CHCHD3: variants seen among roughly 807,000 people sequenced by gnomAD.
The protein encoded by CHCHD3 is coiled-coil-helix-coiled-coil-helix domain containing 3.
CHCHD3 carries 20 observed loss-of-function variants against 38.2 expected under a neutral mutation model. The ratio of observed to expected loss-of-function variants is 0.52; its 90% CI spans 0.37 to 0.76. CHCHD3 has a LOEUF of 0.76. Among genes scored for constraint, CHCHD3 ranks in the 30% least tolerant of loss-of-function variants. The probability of loss-of-function intolerance (pLI) is 0.00; values close to 1 mark genes in which losing one functional copy is unlikely to be tolerated. For synonymous variants in CHCHD3, 82 were observed against 100.0 expected (o/e 0.82, Z 1.07); for missense variants, 245 against 279.2 (o/e 0.88, Z 0.87).
intron 5 of CHCHD3, among the ~76,000 whole-genome samples, chr7:132,844,087 G>T (rs1808010317): frequency 6.6e-6 from 1 of 152,182 alleles, no homozygotes. Context: ...ATCACTTGAG[G>T]CCAGGAATTC....
At chr7:132,895,982 G>T (rs140149717) in intron 4 of CHCHD3, among the ~76,000 whole-genome samples, 1 of 152,106 alleles carries the variant, frequency 6.6e-6, no homozygotes, top group African/African-American at 2.4e-5. Context: ...TTTACAAAAC[G>T]GGTCATATGA....
At chr7:132,996,610 T>C (rs1032332083) in intron 3 of CHCHD3, among the ~76,000 whole-genome samples, 3 of 152,318 alleles carry the variant, frequency 2.0e-5, no homozygotes, top group African/African-American at 7.2e-5. Flanking sequence ...AATGTCGGCG[T>C]TGCTTTGTAA....
intron 4 of CHCHD3, among the ~76,000 whole-genome samples, chr7:132,955,173 G>GGGGGGGGTGT (rs138213006): frequency 1.6e-5 from 2 of 126,226 alleles, no homozygotes; most frequent in African/African-American, 6.0e-5. Flanking sequence ...TCCCTCAGAG[G>GGGGGGGGTGT]GTGTGTGTGT....
chr7:133,068,136 C>T (rs553168476), intron 2 of CHCHD3, among the ~76,000 whole-genome samples: 14 of 151,972 alleles, frequency 9.2e-5, no homozygotes, highest in South Asian at 2.1e-4. Flanking sequence ...AAAATAAAAA[C>T]GTGGCTTATT....
At chr7:132,873,236 T>C (rs1585592410) in intron 5 of CHCHD3, among the ~76,000 whole-genome samples, 1 of 152,048 alleles carries the variant, frequency 6.6e-6, no homozygotes, top group Non-Finnish European at 1.5e-5. Context: ...GAGGCCTGGG[T>C]GCACCAGCTA....
intron 3 of CHCHD3, among the ~76,000 whole-genome samples, chr7:132,986,292 G>T (rs1812118650): frequency 6.7e-6 from 1 of 148,424 alleles, no homozygotes; most frequent in African/African-American, 2.5e-5. Flanking sequence ...CCTCTGCCTA[G>T]GAAAACCAGA....
intron 4 of CHCHD3, among the ~76,000 whole-genome samples, chr7:132,905,539 C>T (rs570554293): frequency 6.6e-6 from 1 of 151,772 alleles, no homozygotes; most frequent in East Asian, 1.9e-4. Flanking sequence ...CACATGTTTA[C>T]CTACGTAACA....
At chr7:132,882,240 G>A (rs138867665) in intron 5 of CHCHD3, among the ~76,000 whole-genome samples, 2,153 of 152,148 alleles carry the variant, frequency 0.014, 20 homozygotes, top group Non-Finnish European at 0.024. Context: ...CACCACAAGG[G>A]ATTAGGTGAA....
At chr7:132,902,482 G>C (rs1014106274) in intron 4 of CHCHD3, among the ~76,000 whole-genome samples, 1 of 152,116 alleles carries the variant, frequency 6.6e-6, no homozygotes, top group Non-Finnish European at 1.5e-5. Flanking sequence ...GGAATACTAC[G>C]CAGCCATAAA....
Position 132,896,892 on chromosome 7 carries a change from TAA to T in CHCHD3, c.370-11149_370-11148del, listed in dbSNP as rs1809514187. ...TTAGCACTGAAAGAGGAAAAAGTGG[TAA>T]AAGAGGCCATATTCTATAAAACTGT... On this transcript the variant is annotated intron_variant, in intron 4 of 7. Coordinates refer to ENST00000262570, the MANE Select transcript of CHCHD3 (RefSeq NM_017812.4). Among the ~76,000 whole-genome samples, 4 of 152,158 alleles carry T rather than the reference TAA, an allele frequency of 2.6e-5. No individual in the cohort carries two copies. In the South Asian group the frequency reaches 8.3e-4, roughly 31 times the overall value.
chr7:132,994,608 T>G (rs1283582533), intron 3 of CHCHD3, among the ~76,000 whole-genome samples: 1 of 152,204 alleles, frequency 6.6e-6, no homozygotes, highest in Non-Finnish European at 1.5e-5. Flanking sequence ...AAAAACTACT[T>G]GAAACCCACT....
At chr7:133,042,788 T>C (rs1813868433) in intron 2 of CHCHD3, among the ~76,000 whole-genome samples, 1 of 152,244 alleles carries the variant, frequency 6.6e-6, no homozygotes, top group African/African-American at 2.4e-5. Flanking sequence ...CATAAGTGAT[T>C]TTACTTAAAA....
At chr7:132,894,318 C>T (rs1214740902) in intron 4 of CHCHD3, among the ~76,000 whole-genome samples, 1 of 152,180 alleles carries the variant, frequency 6.6e-6, no homozygotes, top group Non-Finnish European at 1.5e-5. Flanking sequence ...CACTATGACA[C>T]AGTAAGAAAC....
At chr7:132,885,143 T>G (rs556716471) in intron 5 of CHCHD3, among the ~76,000 whole-genome samples, 2 of 152,132 alleles carry the variant, frequency 1.3e-5, no homozygotes, top group Admixed American at 1.3e-4. Context: ...TTCCAGCTAC[T>G]CAGGAGGCTA....
At chr7:133,040,317 T>C (rs538075580) in intron 2 of CHCHD3, among the ~76,000 whole-genome samples, 9 of 152,298 alleles carry the variant, frequency 5.9e-5, no homozygotes, top group Admixed American at 5.9e-4. Flanking sequence ...GCCTATTGAC[T>C]ATTTCAAGTT....
chr7:132,912,126 G>C (rs1430279802), intron 4 of CHCHD3, among the ~76,000 whole-genome samples: 4 of 152,160 alleles, frequency 2.6e-5, no homozygotes, highest in Admixed American at 6.5e-5. Context: ...CAGGACTTTT[G>C]TTATATAGGC....
intron 4 of CHCHD3, among the ~76,000 whole-genome samples, chr7:132,964,241 T>C (rs1263286855): frequency 6.6e-6 from 1 of 152,150 alleles, no homozygotes; most frequent in Non-Finnish European, 1.5e-5. Flanking sequence ...ACAAAAATAA[T>C]TGAATCATCT....
chr7:133,036,539 T>C (rs1813681333), intron 2 of CHCHD3, among the ~76,000 whole-genome samples: 1 of 152,188 alleles, frequency 6.6e-6, no homozygotes, highest in Admixed American at 6.5e-5. Context: ...AAATATGTCA[T>C]ATCTGGTTCA....
At chr7:132,946,799 G>T (rs1039158463) in intron 4 of CHCHD3, among the ~76,000 whole-genome samples, 1 of 151,676 alleles carries the variant, frequency 6.6e-6, no homozygotes, top group Non-Finnish European at 1.5e-5. Context: ...ATAAATGAGC[G>T]AATTATATTA....
Sources: gnomAD v4.1 joint callset for allele counts (sites outside exome capture counted in the v4.1 genomes callset) on GRCh38, gnomAD v4.1.1 for gene constraint, MANE v1.5 for transcripts, NCBI Gene and HGNC (gene_info 2026-07-23, HGNC 2026-07-21) for gene names.